The following ARNT2 variants were observed in gnomAD, a reference collection of about 807,000 sequenced individuals.
ARNT2 encodes the protein ARNT protein 2.
ARNT2 carries 36 observed loss-of-function variants against 91.7 expected under a neutral mutation model. The ratio of observed to expected loss-of-function variants is 0.39; its 90% CI spans 0.30 to 0.52. ARNT2 has a LOEUF of 0.52. Among genes scored for constraint, ARNT2 ranks in the 20% least tolerant of loss-of-function variants. ARNT2 has a pLI of 0.72. For missense variants in ARNT2, 775 were observed against 939.3 expected, an observed-to-expected ratio of 0.83 and a Z score of 2.29; for synonymous variants, 365 against 347.1, an observed-to-expected ratio of 1.05 and a Z score of -0.57.
intron 17 of ARNT2, among the ~76,000 whole-genome samples, chr15:80,584,809 C>G (rs1008056861): frequency 2.0e-5 from 3 of 152,314 alleles, no homozygotes; most frequent in Admixed American, 2.0e-4. Context: ...GGCCAGAGCC[C>G]AGAGAGATAA....
chr15:80,525,634 A>G (rs1299530290), intron 8 of ARNT2, among the ~76,000 whole-genome samples: 1 of 152,182 alleles, frequency 6.6e-6, no homozygotes, highest in Non-Finnish European at 1.5e-5. Context: ...ATGTGAAATA[A>G]TTTCTTGCCA....
At chr15:80,422,459 A>G (rs914176337) in intron 1 of ARNT2, among the ~76,000 whole-genome samples, 3 of 152,198 alleles carry the variant, frequency 2.0e-5, no homozygotes, top group Non-Finnish European at 4.4e-5. Flanking sequence ...CTAGAATTCT[A>G]TACTTAGACA....
chr15:80,526,674 A>G (rs1329753237), intron 8 of ARNT2, among the ~76,000 whole-genome samples: 2 of 152,140 alleles, frequency 1.3e-5, no homozygotes, highest in Admixed American at 6.5e-5. Context: ...TTAGTGGTGA[A>G]ATGATGCCTG....
chr15:80,416,347 C>T (rs535955495), intron 1 of ARNT2, among the ~76,000 whole-genome samples: 1 of 152,078 alleles, frequency 6.6e-6, no homozygotes, highest in East Asian at 1.9e-4. Flanking sequence ...GAATGAGTGG[C>T]ATACACAATG....
At chr15:80,559,885 C>T (rs992979176) in intron 11 of ARNT2, among the ~76,000 whole-genome samples, 4 of 152,230 alleles carry the variant, frequency 2.6e-5, no homozygotes, top group African/African-American at 7.2e-5. Context: ...GGGTTAAGCA[C>T]AGCCACGTGT....
At chr15:80,500,649 C>T (rs985470322) in intron 5 of ARNT2, among the ~76,000 whole-genome samples, 2 of 152,194 alleles carry the variant, frequency 1.3e-5, no homozygotes, top group Non-Finnish European at 2.9e-5. Flanking sequence ...GGGCCCTCTG[C>T]CCATCAAAAA....
chr15:80,490,681 C>T (rs913819973), intron 5 of ARNT2, among the ~76,000 whole-genome samples: 1 of 152,232 alleles, frequency 6.6e-6, no homozygotes, highest in Admixed American at 6.5e-5. Context: ...GCAACTAGGG[C>T]TTGGCCACCA....
chr15:80,463,083 T>C (rs775716187), intron 3 of ARNT2, among the ~76,000 whole-genome samples: 4 of 152,094 alleles, frequency 2.6e-5, no homozygotes, highest in Non-Finnish European at 4.4e-5. Context: ...GAAAAGAAGA[T>C]TGTGGGTTTC....
intron 1 of ARNT2, among the ~76,000 whole-genome samples, chr15:80,424,933 A>T (rs1011718853): frequency 6.6e-5 from 10 of 152,236 alleles, no homozygotes; most frequent in African/African-American, 1.7e-4. Flanking sequence ...CGTGAATTTT[A>T]TCCAGTTCCT....
intron 5 of ARNT2, among the ~76,000 whole-genome samples, chr15:80,482,701 G>A (rs976581657): frequency 4.6e-5 from 7 of 152,182 alleles, no homozygotes; most frequent in Non-Finnish European, 1.0e-4. Flanking sequence ...CTCGGATGCA[G>A]GGGTCTCTAG....
At chr15:80,426,656 G>C (rs927970434) in intron 1 of ARNT2, among the ~76,000 whole-genome samples, 7 of 152,176 alleles carry the variant, frequency 4.6e-5, no homozygotes, top group African/African-American at 1.7e-4. Context: ...TGTTGACCTG[G>C]TTAAATTATC....
intron 1 of ARNT2, among the ~76,000 whole-genome samples, chr15:80,445,370 G>T (rs1156873412): frequency 6.6e-6 from 1 of 150,616 alleles, no homozygotes; most frequent in African/African-American, 2.4e-5. Flanking sequence ...GGTGTATGTG[G>T]AGTGTGTAGG....
rs767476523 is a variant in ARNT2 at position 80,576,853 on chromosome 15, C to G, written c.1514-13C>G. On this transcript the variant is annotated splice_polypyrimidine_tract_variant and intron_variant, in intron 14 of 18. Coordinates refer to ENST00000303329, the MANE Select transcript of ARNT2 (RefSeq NM_014862.4). ...GGAACCTTCGCATGTGACTCCTGCT[C>G]TGGTTTTCCTAGCGGAGAAGAAGAT... 2.5e-6 allele frequency: 4 copies of G among 1,613,782 alleles called. No homozygotes were observed. Among genetic ancestry groups the G allele is most frequent in the Middle Eastern group, 1.6e-4 (1 of 6,084 alleles).
intron 3 of ARNT2, among the ~76,000 whole-genome samples, chr15:80,469,337 G>T (rs77222344): frequency 0.029 from 4,476 of 152,090 alleles, 207 homozygotes; most frequent in African/African-American, 0.1. Context: ...TAAGCCAGGG[G>T]TGTACCTGTT....
rs578155570 is a variant in ARNT2 at position 80,596,924 on chromosome 15, C to A, written c.*3226C>A. ...ACACTCTGTCCATGCGTCACTCCCC[C>A]CAGTTTTATTTTTAGCTTTGGCTTC... On this transcript the variant is annotated 3_prime_UTR_variant, in exon 19 of 19. Coordinates refer to ENST00000303329, the MANE Select transcript of ARNT2 (RefSeq NM_014862.4). 2.6e-4 allele frequency: 92 copies of A among 356,342 alleles called. No individual in the cohort carries two copies. The highest frequency in any genetic ancestry group is 7.5e-4 in the African/African-American group (35 of 46,780). 22.1% of individuals were successfully genotyped at this position (356,342 alleles called of 1,614,324 possible).
At chr15:80,502,317 A>C (rs2141419358) in intron 5 of ARNT2, among the ~76,000 whole-genome samples, 1 of 152,324 alleles carries the variant, frequency 6.6e-6, no homozygotes, top group African/African-American at 2.4e-5. Flanking sequence ...ACAGGAGGAA[A>C]GCGTGCTCAG....
chr15:80,571,927 TG>T (rs1898591088), intron 12 of ARNT2, among the ~76,000 whole-genome samples: 2 of 152,104 alleles, frequency 1.3e-5, no homozygotes, highest in Admixed American at 1.3e-4. Flanking sequence ...AACTTTAATA[TG>T]GGGGTGAAGT....
chr15:80,587,962 C>G (rs1243746203), intron 17 of ARNT2, among the ~76,000 whole-genome samples: 1 of 152,216 alleles, frequency 6.6e-6, no homozygotes, highest in African/African-American at 2.4e-5. Flanking sequence ...GATGTTACTA[C>G]ATAGACCGCG....
At chr15:80,442,425 A>G (rs1282699682) in intron 1 of ARNT2, among the ~76,000 whole-genome samples, 1 of 152,196 alleles carries the variant, frequency 6.6e-6, no homozygotes, top group Non-Finnish European at 1.5e-5. Context: ...CCTCCATCAC[A>G]CTTAAGCTGA....
Sources: allele counts gnomAD v4.1 joint callset (sites outside exome capture counted in the v4.1 genomes callset), GRCh38; gene constraint gnomAD v4.1.1; transcripts MANE v1.5; gene names NCBI Gene and HGNC (gene_info 2026-07-23, HGNC 2026-07-21).